The following FER variants were observed in gnomAD, a reference collection of about 807,000 sequenced individuals.
FER encodes the protein tyrosine-protein kinase Fer.
A neutral mutation model predicts 111.0 loss-of-function variants in FER; 63 were observed. The observed-to-expected ratio is 0.57, with a 90% CI of 0.46 to 0.70. The LOEUF is 0.70. FER is among the 30% of genes least tolerant of loss of function. The pLI, the probability that FER is intolerant of heterozygous loss-of-function variation, is 0.00. For synonymous variants in FER, 327 were observed against 313.9 expected (o/e 1.04, Z -0.44); for missense variants, 914 against 954.0 (o/e 0.96, Z 0.55).
intron 16 of FER, among the ~76,000 whole-genome samples, chr5:109,075,955 T>C (rs1042992077): frequency 6.6e-6 from 1 of 152,120 alleles, no homozygotes; most frequent in Non-Finnish European, 1.5e-5. Context: ...ACACTAATTA[T>C]TTTTATAATG....
chr5:108,952,063 A>G (rs887049738), intron 11 of FER, among the ~76,000 whole-genome samples: 1 of 152,178 alleles, frequency 6.6e-6, no homozygotes, highest in South Asian at 2.1e-4. Flanking sequence ...AAAATAACTA[A>G]TAAGACAGCT....
At chr5:108,923,637 G>C (rs989365367) in intron 10 of FER, among the ~76,000 whole-genome samples, 2 of 152,084 alleles carry the variant, frequency 1.3e-5, no homozygotes, top group African/African-American at 4.8e-5. Flanking sequence ...AATCATTATA[G>C]AATAGGTTAT....
At chr5:108,916,833 T>A (rs557466792) in intron 10 of FER, among the ~76,000 whole-genome samples, 1 of 152,244 alleles carries the variant, frequency 6.6e-6, no homozygotes, top group South Asian at 2.1e-4. Flanking sequence ...TGTTCTCCCT[T>A]TGTGTATAAT....
At chr5:109,150,386 T>C (rs1287383751) in intron 17 of FER, among the ~76,000 whole-genome samples, 1 of 152,130 alleles carries the variant, frequency 6.6e-6, no homozygotes, top group East Asian at 1.9e-4. Flanking sequence ...TTCCTTTAGG[T>C]TCCAGTTAGA....
intron 18 of FER, among the ~76,000 whole-genome samples, chr5:109,184,357 A>G (rs1006521199): frequency 1.3e-5 from 2 of 152,316 alleles, no homozygotes; most frequent in African/African-American, 2.4e-5. Flanking sequence ...CCTTTTCCCT[A>G]TAGAGTATTA....
At chr5:108,859,836 A>G (rs1763336880) in intron 5 of FER, among the ~76,000 whole-genome samples, 1 of 151,992 alleles carries the variant, frequency 6.6e-6, no homozygotes, top group Admixed American at 6.6e-5. Context: ...TTCAAAACCC[A>G]TAAAATGTTT....
At chr5:108,824,028 G>A (rs1297134161) in intron 3 of FER, among the ~76,000 whole-genome samples, 1 of 152,050 alleles carries the variant, frequency 6.6e-6, no homozygotes, top group African/African-American at 2.4e-5. Flanking sequence ...GTTTATTGAA[G>A]AGACTATCTT....
At chr5:108,960,686 T>G (rs190373643) in intron 13 of FER, among the ~76,000 whole-genome samples, 30 of 152,266 alleles carry the variant, frequency 2.0e-4, no homozygotes, top group Non-Finnish European at 2.1e-4. Context: ...ATCAACAATT[T>G]GCAAATTTAT....
At chr5:109,081,376 C>G (rs1325717033) in intron 16 of FER, among the ~76,000 whole-genome samples, 2 of 151,946 alleles carry the variant, frequency 1.3e-5, no homozygotes, top group East Asian at 3.9e-4. Context: ...TTTTCCCCAA[C>G]TTAGATATGA....
At chr5:109,186,451 T>C in intron 19 of FER, 129 bp downstream of exon 19, 1 of 1,352,862 alleles carries the variant, frequency 7.4e-7, no homozygotes, top group Non-Finnish European at 1.0e-6. Flanking sequence ...TCTCTGGGGT[T>C]CAGAAGCAGA....
chr5:109,034,096 TCTAA>T (rs1770025284), intron 13 of FER, among the ~76,000 whole-genome samples: 1 of 152,176 alleles, frequency 6.6e-6, no homozygotes, highest in African/African-American at 2.4e-5. Context: ...ACTCCTCCCA[TCTAA>T]CTGAGACTTT....
chr5:109,130,541 A>C (rs2126569405), intron 17 of FER, among the ~76,000 whole-genome samples: 1 of 152,286 alleles, frequency 6.6e-6, no homozygotes, highest in Non-Finnish European at 1.5e-5. Flanking sequence ...AAACAGATGA[A>C]ATTAGTTTAA....
chr5:108,793,895 C>T (rs886747172), intron 2 of FER, among the ~76,000 whole-genome samples: 10 of 152,014 alleles, frequency 6.6e-5, no homozygotes, highest in African/African-American at 2.2e-4. Context: ...AACAAACAAG[C>T]AAAAAGAAAA....
intron 10 of FER, among the ~76,000 whole-genome samples, chr5:108,935,575 C>T (rs1239963181): frequency 6.6e-6 from 1 of 152,010 alleles, no homozygotes; most frequent in East Asian, 1.9e-4. Flanking sequence ...ATCCAACCCA[C>T]CTACAGTTTG....
intron 9 of FER, among the ~76,000 whole-genome samples, chr5:108,892,904 G>A (rs1198181161): frequency 6.6e-6 from 1 of 152,132 alleles, no homozygotes; most frequent in Non-Finnish European, 1.5e-5. Context: ...AGTTTTCCCA[G>A]CACCATTTAT....
intron 17 of FER, among the ~76,000 whole-genome samples, chr5:109,171,472 G>A (rs1757088250): frequency 6.6e-6 from 1 of 152,142 alleles, no homozygotes; most frequent in African/African-American, 2.4e-5. Flanking sequence ...AAGAGCATGG[G>A]TTATATGAAA....
intron 10 of FER, among the ~76,000 whole-genome samples, chr5:108,925,770 T>C (rs1322881434): frequency 6.6e-6 from 1 of 152,112 alleles, no homozygotes; most frequent in African/African-American, 2.4e-5. Flanking sequence ...ATATGTGTCT[T>C]ATATTATTGG....
intron 5 of FER, among the ~76,000 whole-genome samples, chr5:108,854,408 A>C (rs986018307): frequency 1.3e-5 from 2 of 152,178 alleles, no homozygotes; most frequent in African/African-American, 2.4e-5. Flanking sequence ...CACCACATAG[A>C]CTGCAAATTG....
rs201191333 is a variant in FER at position 109,187,558 on chromosome 5, A to C, written c.2452A>C (p.Lys818Gln). 1.9e-6 allele frequency: 3 copies of C among 1,614,130 alleles called. No homozygotes were observed. In the African/African-American group the frequency reaches 4.0e-5, roughly 22 times the overall value. The change falls in exon 20 of 20, where the codon AAG (lysine) becomes CAG (glutamine). Residue 818 changes from lysine to glutamine, a missense_variant. By Grantham distance (53) the Lys-to-Gln change is moderately conservative. Around this residue, in one of 3 missense-constraint regions of FER, gnomAD observed 134 missense variants for 149.4 expected, o/e 0.90. Coordinates refer to ENST00000281092, the MANE Select transcript of FER (RefSeq NM_005246.4). ...ACTTCAGAAAGAGCTCACTATCATC[A>C]AGAGAAAACTCACATAGTGACAGGA... ...SELQKELTII[K>Q]RKLT
Sources: allele counts gnomAD v4.1 joint callset (sites outside exome capture counted in the v4.1 genomes callset), GRCh38; gene constraint gnomAD v4.1.1; regional missense constraint gnomAD v4.1.1; transcripts MANE v1.5; gene names NCBI Gene and HGNC (gene_info 2026-07-23, HGNC 2026-07-21).